RASAL2: variants seen among roughly 807,000 people sequenced by gnomAD.
RASAL2 encodes ras GTPase-activating protein nGAP.
Under a neutral mutation model 128.9 loss-of-function variants are expected in RASAL2, and 58 were observed. The observed-to-expected ratio is 0.45, with a 90% confidence interval of 0.36 to 0.56. The LOEUF (loss-of-function observed/expected upper bound fraction) is 0.56, where lower values mean the gene tolerates loss of function less well. RASAL2 is among the 20% of genes least tolerant of loss of function. RASAL2 has a pLI of 0.00. For missense variants in RASAL2, 1,360 were observed against 1,601.6 expected (o/e 0.85, Z 2.57); for synonymous variants, 561 against 580.8 (o/e 0.97, Z 0.49).
At chr1:178,446,499 A>G (rs1677008793) in intron 9 of RASAL2, among the ~76,000 whole-genome samples, 5 of 152,254 alleles carry the variant, frequency 3.3e-5, no homozygotes. Flanking sequence ...TCCAAATACT[A>G]TTTAATGGTT....
At chr1:178,333,173 C>T in intron 3 of RASAL2, among the ~76,000 whole-genome samples, 1 of 152,074 alleles carries the variant, frequency 6.6e-6, no homozygotes, top group East Asian at 2.0e-4. Flanking sequence ...GGACTACAGG[C>T]GCCCGCCACC....
chr1:178,471,952 C>A (rs1286008788), intron 17 of RASAL2, among the ~76,000 whole-genome samples: 2 of 152,164 alleles, frequency 1.3e-5, no homozygotes, highest in African/African-American at 2.4e-5. Context: ...ATTTTAAAAA[C>A]CCCTAAGGTA....
chr1:178,136,475 G>T (rs1329583953), intron 1 of RASAL2, among the ~76,000 whole-genome samples: 1 of 152,104 alleles, frequency 6.6e-6, no homozygotes, highest in African/African-American at 2.4e-5. Flanking sequence ...AAAGGACTTG[G>T]CCAGGTGTGG....
chr1:178,102,818 C>T (rs1018176485), intron 1 of RASAL2, among the ~76,000 whole-genome samples: 1 of 152,210 alleles, frequency 6.6e-6, no homozygotes, highest in Non-Finnish European at 1.5e-5. Flanking sequence ...ATCTGGCAGG[C>T]ATGGTCCCTC....
chr1:178,180,663 T>TCTCACACACACACACACA (rs1553256843), intron 1 of RASAL2, among the ~76,000 whole-genome samples: 3 of 139,212 alleles, frequency 2.2e-5, no homozygotes, highest in Admixed American at 7.3e-5. Context: ...CGAGACTGTC[T>TCTCACACACACACACACA]CACACACACA....
At chr1:178,191,044 A>C (rs895270896) in intron 1 of RASAL2, among the ~76,000 whole-genome samples, 4 of 152,306 alleles carry the variant, frequency 2.6e-5, no homozygotes, top group Admixed American at 6.5e-5. Context: ...AGAATGTGAA[A>C]CAGCTACTGT....
chr1:178,308,932 C>G (rs1376274765), intron 3 of RASAL2, among the ~76,000 whole-genome samples: 1 of 151,990 alleles, frequency 6.6e-6, no homozygotes, highest in Non-Finnish European at 1.5e-5. Flanking sequence ...TGTAGAACTA[C>G]TGGATGGTAA....
At chr1:178,207,506 A>G (rs748648143) in intron 1 of RASAL2, among the ~76,000 whole-genome samples, 22 of 152,220 alleles carry the variant, frequency 1.4e-4, no homozygotes, top group Non-Finnish European at 3.1e-4. Context: ...CATTTTATGT[A>G]AAAGACTTGA....
At chr1:178,380,393 A>T (rs1285546446) in intron 3 of RASAL2, among the ~76,000 whole-genome samples, 1 of 152,212 alleles carries the variant, frequency 6.6e-6, no homozygotes, top group Non-Finnish European at 1.5e-5. Flanking sequence ...CCTAAACTCA[A>T]CCAGTTGGTT....
At chr1:178,126,118 A>G (rs1454960272) in intron 1 of RASAL2, among the ~76,000 whole-genome samples, 1 of 152,216 alleles carries the variant, frequency 6.6e-6, no homozygotes, top group Non-Finnish European at 1.5e-5. Context: ...ACTGAGACAT[A>G]GGGAAGATAA....
rs746512386 is a variant in RASAL2, at chr1:178,428,483, TAA to T, written c.674+7864_674+7865del. Among the ~76,000 whole-genome samples the T allele has an allele frequency of 3.8e-4, 57 of 151,652 alleles. 1 individual carries two copies. Among genetic ancestry groups the T allele is most frequent in the African/African-American group, 7.5e-4 (31 of 41,354 alleles). ...GTTTTATGATTTTAGCTTTTATATA[TAA>T]GTCTATGATCCATTTAGAGTTCATC... On this transcript the variant is annotated intron_variant, in intron 5 of 17. Coordinates refer to ENST00000367649, the MANE Select transcript of RASAL2 (RefSeq NM_170692.4).
chr1:178,209,528 C>G (rs1310017712), intron 1 of RASAL2, among the ~76,000 whole-genome samples: 2 of 152,120 alleles, frequency 1.3e-5, no homozygotes, highest in Non-Finnish European at 2.9e-5. Context: ...ATATTCACCT[C>G]TCTTTTGAAG....
At chr1:178,164,316 C>A (rs1356632681) in intron 1 of RASAL2, among the ~76,000 whole-genome samples, 5 of 152,056 alleles carry the variant, frequency 3.3e-5, no homozygotes, top group Non-Finnish European at 7.4e-5. Context: ...ATGTTATTTC[C>A]ATTTTTGCAA....
chr1:178,465,812 AAAAAAG>A (rs796528855), intron 15 of RASAL2, 102 bp from the exon 16 acceptor site: 16 of 1,081,816 alleles, frequency 1.5e-5, no homozygotes, highest in South Asian at 3.6e-5. Flanking sequence ...TAAAAAAAAG[AAAAAAG>A]AAAAAGAAAA....
At chr1:178,335,772 TAA>T (rs1187880691) in intron 3 of RASAL2, among the ~76,000 whole-genome samples, 2 of 152,204 alleles carry the variant, frequency 1.3e-5, no homozygotes, top group African/African-American at 4.8e-5. Context: ...ATCGTTCCAA[TAA>T]ATATATACAT....
At chr1:178,264,521 T>G (rs1206371339) in intron 1 of RASAL2, among the ~76,000 whole-genome samples, 1 of 152,196 alleles carries the variant, frequency 6.6e-6, no homozygotes, top group Non-Finnish European at 1.5e-5. Context: ...GATAATTTGC[T>G]ATAGTGGCTC....
In RASAL2 at chr1:178,456,792, G is replaced by A. The variant is rs537698122; in HGVS notation, c.2283G>A (p.Thr761=). Residue 761 remains threonine (T), a synonymous_variant, in exon 13 of 18, where the codon ACG becomes ACA. Transcript: ENST00000367649. ...TTACCAAGTCATTGACTAATCCTAC[G>A]CCAATACAACAGCAACTGAGACGCT... ...ADITKSLTNP[T]PIQQQLRRFT... is the part of the protein sequence containing the mutation. 1.4e-5 allele frequency: 23 copies of A among 1,614,048 alleles called. No individual in the cohort carries two copies. Among genetic ancestry groups the A allele is most frequent in the Middle Eastern group, 1.6e-4 (1 of 6,062 alleles).
chr1:178,138,686 T>C (rs912649232), intron 1 of RASAL2, among the ~76,000 whole-genome samples: 2 of 152,182 alleles, frequency 1.3e-5, no homozygotes, highest in African/African-American at 4.8e-5. Context: ...TGTATTTTAC[T>C]ATCAGTCATG....
chr1:178,158,867 ACT>A lies in RASAL2; in HGVS notation c.202+64176_202+64177del, dbSNP rs377343805. On this transcript the variant is annotated intron_variant, in intron 1 of 17. Transcript: ENST00000367649. ...AACTTTCTTTTAATAGGTATCAATC[ACT>A]CTGATATTTCTGAGGCTAAAGGGCA... Among the ~76,000 whole-genome samples, 50 of 152,276 alleles carry A rather than the reference ACT, an allele frequency of 3.3e-4. No homozygotes were observed. The East Asian group carries it at 8.3e-3, about 25-fold the overall frequency.
Sources: allele counts gnomAD v4.1 joint callset (sites outside exome capture counted in the v4.1 genomes callset), GRCh38; gene constraint gnomAD v4.1.1; transcripts MANE v1.5; gene names NCBI Gene and HGNC (gene_info 2026-07-23, HGNC 2026-07-21).